Variants in NID2 observed in about 807,000 individuals in gnomAD.
NID2 encodes the protein nidogen-2.
A neutral mutation model predicts 145.4 loss-of-function variants in NID2; 83 were observed. The observed-to-expected ratio is 0.57, with a 90% CI of 0.48 to 0.69. The LOEUF is 0.69. Ranked by LOEUF, NID2 falls within the 30% of genes least tolerant of loss-of-function variation. The pLI, the probability that NID2 is intolerant of heterozygous loss-of-function variation, is 0.00. For missense variants in NID2, 1,807 were observed against 1,765.7 expected, an observed-to-expected ratio of 1.02 and a Z score of -0.42; for synonymous variants, 739 against 701.3, an observed-to-expected ratio of 1.05 and a Z score of -0.85.
intron 12 of NID2, among the ~76,000 whole-genome samples, chr14:52,025,529 C>T (rs544380010): frequency 6.6e-6 from 1 of 152,272 alleles, no homozygotes; most frequent in East Asian, 1.9e-4. Context: ...GAAACTGAGT[C>T]ATTTCTAAAG....
intron 8 of NID2, among the ~76,000 whole-genome samples, chr14:52,039,954 T>C (rs1482098084): frequency 6.6e-6 from 1 of 152,156 alleles, no homozygotes; most frequent in African/African-American, 2.4e-5. Context: ...TTTGGTTTTG[T>C]TTTTGAGATG....
At chr14:52,013,313 T>G (rs535299776) in intron 16 of NID2, among the ~76,000 whole-genome samples, 2 of 152,340 alleles carry the variant, frequency 1.3e-5, no homozygotes, top group South Asian at 4.1e-4. Flanking sequence ...TAAAGTGATG[T>G]CAACTTCTTA....
chr14:52,030,642 G>GA (rs1891823140), intron 9 of NID2, among the ~76,000 whole-genome samples: 1 of 146,004 alleles, frequency 6.8e-6, no homozygotes, highest in Non-Finnish European at 1.5e-5. Context: ...GAAAGAGAAA[G>GA]AAAAAGAGAA....
chr14:52,026,443 T>C (rs17124920), intron 12 of NID2, among the ~76,000 whole-genome samples: 36,566 of 152,150 alleles, frequency 0.24, 4,466 homozygotes, highest in African/African-American at 0.25. Flanking sequence ...GTGTGTCGTT[T>C]TACCCTAACT....
chr14:52,010,072 G>A (rs1890951696), intron 18 of NID2: 1 of 152,196 alleles, frequency 6.6e-6, no homozygotes, highest in South Asian at 2.1e-4. Flanking sequence ...TTTTAAGAGG[G>A]CTATTAATTC....
chr14:52,014,148 GC>G, intron 16 of NID2, 138 bp downstream of exon 16: 1 of 1,046,050 alleles, frequency 9.6e-7, no homozygotes, highest in Non-Finnish European at 1.5e-6. Flanking sequence ...GTGGCATCGG[GC>G]CCATGCCGAT....
chr14:52,044,745 C>T (rs989046453), intron 5 of NID2, among the ~76,000 whole-genome samples: 4 of 151,902 alleles, frequency 2.6e-5, no homozygotes, highest in South Asian at 4.2e-4. Flanking sequence ...TTTGAGTAGC[C>T]GCAGCCACAA....
chr14:52,013,810 A>G (rs1035054011), intron 16 of NID2, among the ~76,000 whole-genome samples: 2 of 152,166 alleles, frequency 1.3e-5, no homozygotes, highest in East Asian at 1.9e-4. Flanking sequence ...GGACAGAACC[A>G]AAGTGAAAGG....
chr14:52,012,655 C>T (rs1000218996), intron 16 of NID2, among the ~76,000 whole-genome samples: 1 of 151,866 alleles, frequency 6.6e-6, no homozygotes, highest in Middle Eastern at 3.2e-3. Context: ...TAGTGGTTAT[C>T]CAACCTCTGG....
intron 9 of NID2, among the ~76,000 whole-genome samples, chr14:52,029,956 A>C (rs1304020324): frequency 6.6e-6 from 1 of 152,176 alleles, no homozygotes; most frequent in Non-Finnish European, 1.5e-5. Flanking sequence ...AAAACGCCCA[A>C]AACATCTGTT....
chr14:52,028,097 T>C (rs1891655562), intron 11 of NID2, among the ~76,000 whole-genome samples: 1 of 152,198 alleles, frequency 6.6e-6, no homozygotes, highest in Non-Finnish European at 1.5e-5. Flanking sequence ...TTAGGCTCTA[T>C]CTAAAGAGCT....
chr14:52,019,851 G>C (rs1355445404), intron 13 of NID2, among the ~76,000 whole-genome samples: 2 of 152,162 alleles, frequency 1.3e-5, no homozygotes, highest in African/African-American at 4.8e-5. Flanking sequence ...ACGATGGGTG[G>C]GTCGTCTCCC....
intron 11 of NID2, 62 bp downstream of exon 11, chr14:52,028,660 A>G: frequency 6.4e-7 from 1 of 1,572,474 alleles, no homozygotes; most frequent in South Asian, 1.2e-5. Flanking sequence ...ACACTGACAG[A>G]TTAAAGAGCA....
At chr14:52,043,983 C>T (rs776166053) in intron 5 of NID2, among the ~76,000 whole-genome samples, 1 of 152,000 alleles carries the variant, frequency 6.6e-6, no homozygotes, top group Non-Finnish European at 1.5e-5. Context: ...GTGTGAGACA[C>T]GGATGCTGGC....
intron 9 of NID2, among the ~76,000 whole-genome samples, chr14:52,038,118 A>T (rs541369972): frequency 6.6e-6 from 1 of 152,326 alleles, no homozygotes; most frequent in South Asian, 2.1e-4. Context: ...CCTGGCTAGA[A>T]ATTCTAGTAC....
In NID2 at chr14:52,023,480, TA is replaced by T. The variant is rs199651244; in HGVS notation, c.2675-3303del. The stretch of plus-strand genomic sequence containing the variant: ...AAAAAATAAATAAATAAATAAAAAT[TA>T]AAAAAAAATAAGAAAAGAAAAAACG... On this transcript the variant is annotated intron_variant, in intron 12 of 21. Transcript: ENST00000216286. Among the ~76,000 whole-genome samples the T allele has an allele frequency of 5.4e-5, 8 of 148,340 alleles. No individual in the cohort carries two copies. The South Asian group carries it at 6.8e-4, about 13-fold the overall frequency.
intron 12 of NID2, among the ~76,000 whole-genome samples, chr14:52,025,764 TA>T (rs1194429295): frequency 1.3e-5 from 2 of 152,144 alleles, no homozygotes; most frequent in African/African-American, 4.8e-5. Context: ...AATCCATTGA[TA>T]GGGGCAGAGC....
intron 14 of NID2, 149 bp downstream of exon 14, chr14:52,018,912 A>G: frequency 1.6e-6 from 1 of 620,234 alleles, no homozygotes; most frequent in Non-Finnish European, 2.9e-6. Flanking sequence ...AAACATGCAT[A>G]TTTGTACGCA....
Position 52,068,860 on chromosome 14 carries a change from GT to G in NID2, c.134del (p.Asp45AlafsTer15). On this transcript the variant is annotated frameshift_variant, in exon 1 of 22. Coordinates refer to ENST00000216286, the MANE Select transcript of NID2 (RefSeq NM_007361.4). LOFTEE classifies it high-confidence loss of function. ...ELFPHGESWGDQLLQEGDDES... is the reference protein window; with the variant it reads ...ELFPHGESWGXQLLQEGDDES... ...CGTCGTCGCCTTCCTGCAGGAGCTG[GT>G]CCCCCCACGACTCCCCGTGTGGGAA... is the stretch of plus-strand genomic sequence containing the variant. 1 of 1,613,752 alleles carries G rather than the reference GT, an allele frequency of 6.2e-7. No homozygotes were observed. The highest frequency in any genetic ancestry group is 8.5e-7 in the Non-Finnish European group (1 of 1,180,022).
Sources: gnomAD v4.1 joint callset for allele counts (sites outside exome capture counted in the v4.1 genomes callset) on GRCh38, gnomAD v4.1.1 for gene constraint, MANE v1.5 for transcripts, NCBI Gene and HGNC (gene_info 2026-07-23, HGNC 2026-07-21) for gene names.